BRAP: variants seen among roughly 807,000 people sequenced by gnomAD.
BRAP encodes the protein BRCA1 associated protein.
A neutral mutation model predicts 73.4 loss-of-function variants in BRAP; 42 were observed. That is an observed-to-expected ratio of 0.57 (90% CI 0.45 to 0.74). BRAP has a LOEUF of 0.74. Among genes scored for constraint, BRAP ranks in the 30% least tolerant of loss-of-function variants. The probability of loss-of-function intolerance (pLI) is 0.00; values close to 1 mark genes in which losing one functional copy is unlikely to be tolerated. For missense variants in BRAP, 593 were observed against 751.4 expected, an observed-to-expected ratio of 0.79 and a Z score of 2.46; for synonymous variants, 255 against 267.4, an observed-to-expected ratio of 0.95 and a Z score of 0.45.
chr12:111,680,418 C>T (rs1023235136), intron 3 of BRAP, among the ~76,000 whole-genome samples: 4 of 151,680 alleles, frequency 2.6e-5, no homozygotes, highest in African/African-American at 4.8e-5. Context: ...CTACCTGTGC[C>T]GGGTGCAGTG....
chr12:111,651,826 C>T (rs1016666932), intron 10 of BRAP, among the ~76,000 whole-genome samples: 1 of 151,328 alleles, frequency 6.6e-6, no homozygotes, highest in South Asian at 2.1e-4. Context: ...TTAGTAGATA[C>T]GAGGTTTCAC....
At chr12:111,654,338 CAG>C (rs1886434334) in intron 10 of BRAP, among the ~76,000 whole-genome samples, 2 of 148,024 alleles carry the variant, frequency 1.4e-5, no homozygotes, top group African/African-American at 5.0e-5. Flanking sequence ...TTTTTTGAGA[CAG>C]AGTCTCGGTC....
intron 6 of BRAP, among the ~76,000 whole-genome samples, chr12:111,663,377 C>T (rs1407723147): frequency 1.3e-5 from 2 of 152,090 alleles, no homozygotes; most frequent in Admixed American, 6.6e-5. Context: ...TGCTTGAACC[C>T]GGGAGGTGGA....
At chr12:111,672,308 T>A (rs890156687) in intron 5 of BRAP, among the ~76,000 whole-genome samples, 1 of 152,222 alleles carries the variant, frequency 6.6e-6, no homozygotes, top group Non-Finnish European at 1.5e-5. Flanking sequence ...ACACTCAATT[T>A]CAACAATGCA....
At chr12:111,668,968 A>G (rs1887066072) in intron 5 of BRAP, among the ~76,000 whole-genome samples, 1 of 152,106 alleles carries the variant, frequency 6.6e-6, no homozygotes, top group Non-Finnish European at 1.5e-5. Flanking sequence ...AAATTCTTTT[A>G]AGAGCTAAGC....
At chr12:111,655,903 T>C (rs964934760) in intron 9 of BRAP, among the ~76,000 whole-genome samples, 2 of 152,142 alleles carry the variant, frequency 1.3e-5, no homozygotes, top group African/African-American at 4.8e-5. Flanking sequence ...TTTATTCTGG[T>C]CAAGCTGACT....
intron 10 of BRAP, among the ~76,000 whole-genome samples, chr12:111,652,218 C>A (rs10744774): frequency 0.88 from 133,541 of 152,140 alleles, 58,997 homozygotes; most frequent in East Asian, 1. Context: ...GGTAACCCTA[C>A]AAAGGTTGGT....
chr12:111,670,090 C>G (rs1467560305), intron 5 of BRAP: 3 of 625,632 alleles, frequency 4.8e-6, no homozygotes, highest in Non-Finnish European at 9.2e-6. Flanking sequence ...AGAGTTGGAA[C>G]AGTTTCTTTT....
At chr12:111,680,681 G>C (rs1887565066) in intron 3 of BRAP, among the ~76,000 whole-genome samples, 1 of 151,722 alleles carries the variant, frequency 6.6e-6, no homozygotes, top group Non-Finnish European at 1.5e-5. Flanking sequence ...TATGGAGTGA[G>C]ACCCTGTCTC....
At position 111,644,248 on chromosome 12, in the gene BRAP, C is replaced by G; in HGVS notation, c.1730G>C (p.Gly577Ala). ...CTTCCTGGAGGGCAACTTCCCACTGCCCCCCGAAGAGGCAGGGCTCGAGGC... is the reference window on the plus strand; with the variant it reads ...CTTCCTGGAGGGCAACTTCCCACTGGCCCCCGAAGAGGCAGGGCTCGAGGC... ...ASASSPASSG[G>A]SGKLPSRKGR... Residue 577 changes from glycine to alanine, a missense_variant, in exon 12 of 12, where the codon GGC (glycine) becomes GCC (alanine). Physicochemically the swap from Gly to Ala is moderately conservative, Grantham distance 60 (BLOSUM62 0). Transcript: ENST00000419234. 3 of 1,613,680 alleles carry G rather than the reference C, an allele frequency of 1.9e-6. No homozygotes were observed. The highest frequency in any genetic ancestry group is 2.5e-6 in the Non-Finnish European group (3 of 1,179,988).
intron 11 of BRAP, 37 bp downstream of exon 11, chr12:111,649,902 A>G (rs1886254218): frequency 7.1e-7 from 1 of 1,398,954 alleles, no homozygotes; most frequent in African/African-American, 1.4e-5. Context: ...GTCTGTTTAT[A>G]GAGCCTGTTA....
At chr12:111,644,701 T>C (rs750838995) in intron 11 of BRAP, 139 bp from the exon 12 acceptor site, 56 of 1,324,022 alleles carry the variant, frequency 4.2e-5, no homozygotes, top group Non-Finnish European at 5.5e-5. Flanking sequence ...TGAGGGAGAA[T>C]GGTTTTCTGC....
intron 10 of BRAP, among the ~76,000 whole-genome samples, chr12:111,650,947 C>T (rs75122732): frequency 0.016 from 2,374 of 152,168 alleles, 72 homozygotes; most frequent in African/African-American, 0.054. Context: ...GCAGCCATCC[C>T]AGCCCAGAGT....
chr12:111,663,067 T>C (rs1269681227), intron 6 of BRAP, among the ~76,000 whole-genome samples: 2 of 152,048 alleles, frequency 1.3e-5, no homozygotes, highest in Admixed American at 6.6e-5. Flanking sequence ...GTAAATTTGA[T>C]CTTGAAAAGA....
At chr12:111,663,927 C>G (rs1592981980) in intron 6 of BRAP, among the ~76,000 whole-genome samples, 3 of 152,164 alleles carry the variant, frequency 2.0e-5, no homozygotes, top group Admixed American at 2.0e-4. Context: ...TATCTTTGGG[C>G]CTGTGTCCTC....
intron 5 of BRAP, chr12:111,669,703 A>T (rs1037638240): frequency 2.8e-5 from 6 of 212,122 alleles, no homozygotes; most frequent in Non-Finnish European, 4.8e-5. Context: ...TTGAACCCTA[A>T]CTTATTAGTG....
At chr12:111,648,293 C>A (rs1184454068) in intron 11 of BRAP, among the ~76,000 whole-genome samples, 1 of 144,770 alleles carries the variant, frequency 6.9e-6, no homozygotes, top group African/African-American at 2.6e-5. Context: ...TGCACTCCAG[C>A]CTGGCGACAG....
chr12:111,685,688 T>A, intron 1 of BRAP, 23 bp downstream of exon 1: 2 of 1,594,100 alleles, frequency 1.3e-6, no homozygotes, highest in Non-Finnish European at 1.7e-6. Context: ...CTACAGGGAA[T>A]GCGGCGAGGC....
intron 10 of BRAP, among the ~76,000 whole-genome samples, chr12:111,653,564 A>G (rs1205491546): frequency 6.6e-6 from 1 of 152,176 alleles, no homozygotes; most frequent in Admixed American, 6.6e-5. Context: ...TGCTATAATA[A>G]CGGCACTACC....
Sources: gnomAD v4.1 joint callset for allele counts (sites outside exome capture counted in the v4.1 genomes callset) on GRCh38, gnomAD v4.1.1 for gene constraint, MANE v1.5 for transcripts, NCBI Gene and HGNC (gene_info 2026-07-23, HGNC 2026-07-21) for gene names.